Variants in EPG5 observed in about 807,000 individuals in gnomAD.
EPG5 encodes ectopic P-granules 5 autophagy tethering factor, also known as ectopic P granules protein 5 homolog.
A neutral mutation model predicts 302.7 loss-of-function variants in EPG5; 159 were observed. The ratio of observed to expected loss-of-function variants is 0.53; its 90% confidence interval spans 0.46 to 0.60. The LOEUF (loss-of-function observed/expected upper bound fraction) is 0.60. Ranked by LOEUF, EPG5 falls within the 20% of genes least tolerant of loss-of-function variation. The pLI is 0.00. For synonymous variants in EPG5, 1,158 were observed against 1,136.8 expected (o/e 1.02, Z -0.37); for missense variants, 2,896 against 3,092.4 (o/e 0.94, Z 1.51).
At chr18:45,869,542 T>A (rs1285854818) in intron 36 of EPG5, among the ~76,000 whole-genome samples, 1 of 152,240 alleles carries the variant, frequency 6.6e-6, no homozygotes, top group Admixed American at 6.5e-5. Flanking sequence ...AAGGTCATCC[T>A]TTTTAAAACT....
rs1170411804 is a variant in EPG5, at chr18:45,954,411, C to T, written c.991G>A (p.Glu331Lys). The T allele has an allele frequency of 5.6e-6, 9 of 1,607,950 alleles. No homozygotes were observed. Among genetic ancestry groups the T allele is most frequent in the Non-Finnish European group, 7.6e-6 (9 of 1,177,434 alleles). Reference sequence around the variant, plus strand: ...CAAAATACCTGTACAGACATTTGTTCCTCCTTAAACTGCCACAGCCGACTT... The same window carrying T: ...CAAAATACCTGTACAGACATTTGTTTCTCCTTAAACTGCCACAGCCGACTT... ...AKSRLWQFKE[E>K]QMSVQGICAD... The change falls in exon 2 of 44, where the codon GAA (glutamate) becomes AAA (lysine). Residue 331 changes from glutamate to lysine, a missense_variant. Physicochemically the swap from Glu to Lys is moderately conservative, Grantham distance 56 (BLOSUM62 1). Around this residue, in one of 5 missense-constraint regions of EPG5, gnomAD observed 1,390 missense variants for 1,430.0 expected, o/e 0.97. Coordinates refer to ENST00000282041, the MANE Select transcript of EPG5 (RefSeq NM_020964.3).
chr18:45,938,972 C>T (rs1296695284), intron 10 of EPG5, among the ~76,000 whole-genome samples: 4 of 152,156 alleles, frequency 2.6e-5, no homozygotes, highest in African/African-American at 4.8e-5. Flanking sequence ...GAGGCAGCCC[C>T]GCATCTCCTA....
chr18:45,931,416 T>C (rs1204072595), intron 11 of EPG5, among the ~76,000 whole-genome samples: 1 of 152,168 alleles, frequency 6.6e-6, no homozygotes, highest in East Asian at 1.9e-4. Context: ...TTTGCCTATA[T>C]CACAAAGGAT....
chr18:45,891,767 C>T (rs2049357411), intron 27 of EPG5, among the ~76,000 whole-genome samples: 1 of 152,046 alleles, frequency 6.6e-6, no homozygotes, highest in African/African-American at 2.4e-5. Flanking sequence ...TTAACTTTTA[C>T]TATTGGAGAA....
At chr18:45,838,036 C>A in the EPG5 span, 1 of 1,116,302 alleles carries the variant, frequency 9.0e-7, no homozygotes, top group Non-Finnish European at 1.2e-6. Flanking sequence ...CCCCAGGGAT[C>A]TCACACCTGG....
chr18:45,812,631 T>G, the EPG5 span, among the ~76,000 whole-genome samples: 1 of 152,220 alleles, frequency 6.6e-6, no homozygotes, highest in Non-Finnish European at 1.5e-5. Context: ...TACAACTGTC[T>G]GATCTTTGAC....
At chr18:45,941,518 A>G (rs577740214) in intron 9 of EPG5, among the ~76,000 whole-genome samples, 1 of 152,348 alleles carries the variant, frequency 6.6e-6, no homozygotes, top group South Asian at 2.1e-4. Flanking sequence ...AGAAGGTATG[A>G]GAAGAATCTG....
At chr18:45,828,114 C>T in the EPG5 span, among the ~76,000 whole-genome samples, 1 of 152,228 alleles carries the variant, frequency 6.6e-6, no homozygotes, top group Non-Finnish European at 1.5e-5. Context: ...ATCCAGGCCA[C>T]GGCCTGGGCA....
In EPG5 at chr18:45,852,663, A is replaced by T. The variant is rs2048439542; in HGVS notation, c.7558-14T>A. 1 of 1,611,946 alleles carries T rather than the reference A, an allele frequency of 6.2e-7. No individual in the cohort carries two copies. The highest frequency in any genetic ancestry group is 1.1e-5 in the South Asian group (1 of 90,906). ...AGCATTCAGAGCCTAAAAGACACGGAAGATGAGAGGGTTAACTCCATAGAG... is the reference window on the plus strand; with the variant it reads ...AGCATTCAGAGCCTAAAAGACACGGTAGATGAGAGGGTTAACTCCATAGAG... On this transcript the variant is annotated splice_polypyrimidine_tract_variant and intron_variant, in intron 43 of 43. Coordinates refer to ENST00000282041, the MANE Select transcript of EPG5 (RefSeq NM_020964.3).
Position 45,867,554 on chromosome 18 carries a change from C to A in EPG5, c.6411+9G>T. ...TGCCGAATTTTTGCCATAAGCTTCC[C>A]AAACTTACTGTTTGGTCTACCAGTT... On this transcript the variant is annotated intron_variant, in intron 37 of 43. Coordinates refer to ENST00000282041, the MANE Select transcript of EPG5 (RefSeq NM_020964.3). The A allele has an allele frequency of 1.9e-6, 3 of 1,612,210 alleles. No individual in the cohort carries two copies. The highest frequency in any genetic ancestry group is 1.7e-6 in the Non-Finnish European group (2 of 1,178,872).
At chr18:45,929,870 T>C (rs1392475609) in intron 12 of EPG5, among the ~76,000 whole-genome samples, 2 of 152,188 alleles carry the variant, frequency 1.3e-5, no homozygotes, top group Admixed American at 1.3e-4. Flanking sequence ...AACATCCAGG[T>C]TTGTCATTCT....
At chr18:45,918,854 A>C (rs1284432273) in intron 16 of EPG5, among the ~76,000 whole-genome samples, 1 of 152,210 alleles carries the variant, frequency 6.6e-6, no homozygotes, top group African/African-American at 2.4e-5. Flanking sequence ...TCACAACAAA[A>C]GAGTCATTGT....
rs3745000 is a variant in EPG5 at position 45,943,346 on chromosome 18, G to A, written c.1793-35C>T. The A allele has an allele frequency of 0.19, 299,654 of 1,574,228 alleles. 38,879 individuals carry two copies. The highest frequency in any genetic ancestry group is 0.57 in the African/African-American group (42,208 of 73,642). On this transcript the variant is annotated intron_variant, in intron 8 of 43. Transcript: ENST00000282041. ...AATCAGATAAAAGAAAAAAATCATA[G>A]TTACTATGAAAAAACATGAACGGAT...
chr18:45,825,732 G>A, the EPG5 span: 7 of 1,614,230 alleles, frequency 4.3e-6, no homozygotes, highest in Non-Finnish European at 5.9e-6. Context: ...TCACAGCATG[G>A]AAAAGTCCAT....
chr18:45,963,822 A>G (rs1439638282), intron 1 of EPG5, among the ~76,000 whole-genome samples: 2 of 152,138 alleles, frequency 1.3e-5, no homozygotes, highest in Non-Finnish European at 2.9e-5. Context: ...AAAAATATAT[A>G]TCCAGCTCAG....
intron 39 of EPG5, among the ~76,000 whole-genome samples, chr18:45,862,677 G>A (rs535843690): frequency 6.6e-5 from 10 of 152,324 alleles, no homozygotes; most frequent in South Asian, 2.1e-4. Flanking sequence ...GCGTTCTGCC[G>A]TGATTGTAAG....
intron 23 of EPG5, among the ~76,000 whole-genome samples, chr18:45,908,677 G>A (rs545304839): frequency 2.6e-5 from 4 of 152,222 alleles, no homozygotes; most frequent in South Asian, 4.1e-4. Context: ...CTGGCTGGGC[G>A]CAGTGGCTCA....
chr18:45,940,311 G>A (rs559840515), intron 9 of EPG5, among the ~76,000 whole-genome samples: 106 of 151,924 alleles, frequency 7.0e-4, no homozygotes, highest in South Asian at 1.0e-3. Context: ...GATCGTGAGG[G>A]GCCCTGCAGG....
intron 43 of EPG5, 40 bp downstream of exon 43, chr18:45,855,533 T>C (rs1301182326): frequency 1.4e-6 from 2 of 1,451,078 alleles, no homozygotes; most frequent in African/African-American, 2.8e-5. Context: ...CTAGGGAAGA[T>C]GTGCAGGCAA....
Sources: allele counts gnomAD v4.1 joint callset (sites outside exome capture counted in the v4.1 genomes callset), GRCh38; gene constraint gnomAD v4.1.1; regional missense constraint gnomAD v4.1.1; transcripts MANE v1.5; gene names NCBI Gene and HGNC (gene_info 2026-07-23, HGNC 2026-07-21).